Variants in PHF21B observed in about 807,000 individuals in gnomAD.
PHF21B encodes the protein PHD finger protein 21B.
Under a neutral mutation model 62.2 loss-of-function variants are expected in PHF21B, and 22 were observed. That is an observed-to-expected ratio of 0.35 (90% CI 0.25 to 0.51). PHF21B has a LOEUF of 0.51. PHF21B is among the 20% of genes least tolerant of loss of function. The pLI is 0.97. For missense variants in PHF21B, 701 were observed against 707.9 expected (o/e 0.99, Z 0.11); for synonymous variants, 341 against 314.7 (o/e 1.08, Z -0.88).
chr22:44,940,914 G>C (rs903955636), intron 2 of PHF21B, among the ~76,000 whole-genome samples: 19 of 152,292 alleles, frequency 1.2e-4, no homozygotes, highest in African/African-American at 4.6e-4. Context: ...GAGGTGAGTG[G>C]GGGGCTGTCG....
rs551587019 is a variant in PHF21B at position 45,007,195 on chromosome 22, C to T, written c.120+1350G>A. Among the ~76,000 whole-genome samples the T allele has an allele frequency of 2.7e-3, 395 of 146,968 alleles. 1 individual carries two copies. Among genetic ancestry groups the T allele is most frequent in the African/African-American group, 9.5e-3 (377 of 39,722 alleles). On this transcript the variant is annotated intron_variant, in intron 2 of 12. Transcript: ENST00000313237. Reference sequence around the variant, plus strand: ...GGCCCAGACCAGGCGCGGGCCGCGGCACTGCCATCTTCCTTTCAGCAAGCC... The same window carrying T: ...GGCCCAGACCAGGCGCGGGCCGCGGTACTGCCATCTTCCTTTCAGCAAGCC...
intron 12 of PHF21B, among the ~76,000 whole-genome samples, chr22:44,884,239 G>GCACCATCACCACCATCATCACTAC (rs2070800863): frequency 7.5e-6 from 1 of 133,060 alleles, no homozygotes; most frequent in Non-Finnish European, 1.6e-5. Flanking sequence ...ACTGTGATCA[G>GCACCATCACCACCATCATCACTAC]CACCATCACC....
chr22:44,985,702 G>A (rs1336221327), intron 2 of PHF21B, among the ~76,000 whole-genome samples: 1 of 152,156 alleles, frequency 6.6e-6, no homozygotes, highest in Non-Finnish European at 1.5e-5. Context: ...GGGATGTGTT[G>A]TGATGGCAAA....
chr22:44,955,465 G>A (rs952472402), intron 2 of PHF21B, among the ~76,000 whole-genome samples: 2 of 152,252 alleles, frequency 1.3e-5, no homozygotes, highest in African/African-American at 4.8e-5. Flanking sequence ...GTTTCTGGAA[G>A]AGATCAGCAT....
chr22:44,883,343 C>T lies in PHF21B; in HGVS notation c.1378-39G>A, dbSNP rs140234911. The T allele has an allele frequency of 4.7e-4, 749 of 1,593,090 alleles. 5 individuals are homozygous for T. The African/African-American group carries it at 8.9e-3, about 19-fold the overall frequency. ...GGTCAGGGGAAAGGGTCTCAGTATT[C>T]GGCTCTACAGCCATCCTGGGGCAGC... On this transcript the variant is annotated intron_variant, in intron 12 of 12. Coordinates refer to ENST00000313237, the MANE Select transcript of PHF21B (RefSeq NM_138415.5).
At chr22:44,899,285 C>A (rs866360480) in intron 5 of PHF21B, among the ~76,000 whole-genome samples, 1 of 97,562 alleles carries the variant, frequency 1.0e-5, no homozygotes. Context: ...TGTTCTTATT[C>A]TTTTTTTTTT....
intron 1 of PHF21B, 151 bp from the exon 2 acceptor site, chr22:45,008,761 G>A: frequency 3.5e-6 from 4 of 1,149,192 alleles, no homozygotes; most frequent in Non-Finnish European, 4.3e-6. Context: ...CTGCACGCGC[G>A]GCGGCCGGGC....
Position 45,009,709 on chromosome 22 carries a change from G to A in PHF21B, c.-160C>T. ...CCCACGGCCGAAAGGGAAGGGGGCTGGCGAAGGGGAAGACAGGCTTCCGGG... is the reference window on the plus strand; with the variant it reads ...CCCACGGCCGAAAGGGAAGGGGGCTAGCGAAGGGGAAGACAGGCTTCCGGG... On this transcript the variant is annotated 5_prime_UTR_variant, in exon 1 of 13. Coordinates refer to ENST00000313237, the MANE Select transcript of PHF21B (RefSeq NM_138415.5). The surrounding 1 kb of genome is among the most constrained non-coding windows in gnomAD (Gnocchi z 5.9). The A allele has an allele frequency of 1.6e-6, 1 of 616,130 alleles. No homozygotes were observed. The highest frequency in any genetic ancestry group is 3.5e-5 in the East Asian group (1 of 28,378). The allele number at this position is 616,130 out of a possible 1,614,324, so 38.2% of individuals were successfully genotyped here.
At position 45,009,111 on chromosome 22, in the gene PHF21B, G is replaced by A. The variant is rs993717691; in HGVS notation, c.54+385C>T. 1 of 955,050 alleles carries A rather than the reference G, an allele frequency of 1.0e-6. No individual in the cohort carries two copies. Among genetic ancestry groups the A allele is most frequent in the Non-Finnish European group, 1.3e-6 (1 of 753,046 alleles). 59.2% of individuals were successfully genotyped at this position (955,050 alleles called of 1,614,324 possible). ...ATCGCCAAAACTACTTCTGCACACCGGGCAGGTTCGCCCGGGGCGCGGGGG... is the reference window on the plus strand; with the variant it reads ...ATCGCCAAAACTACTTCTGCACACCAGGCAGGTTCGCCCGGGGCGCGGGGG... On this transcript the variant is annotated intron_variant, in intron 1 of 12. Coordinates refer to ENST00000313237, the MANE Select transcript of PHF21B (RefSeq NM_138415.5). This position sits in a 1 kb window ranked among gnomAD's most constrained non-coding sequence, Gnocchi z 5.9.
At chr22:44,900,695 T>G (rs1233126295) in intron 5 of PHF21B, among the ~76,000 whole-genome samples, 1 of 152,208 alleles carries the variant, frequency 6.6e-6, no homozygotes, top group Non-Finnish European at 1.5e-5. Flanking sequence ...CTTATTTTCT[T>G]GCAGATGTTA....
At chr22:44,945,325 G>C (rs1456206991) in intron 2 of PHF21B, among the ~76,000 whole-genome samples, 2 of 152,202 alleles carry the variant, frequency 1.3e-5, no homozygotes, top group African/African-American at 4.8e-5. Context: ...CCAGCGCCCT[G>C]TGAATGGGGC....
chr22:44,921,390 C>T (rs1282803807), intron 2 of PHF21B, among the ~76,000 whole-genome samples: 1 of 150,540 alleles, frequency 6.6e-6, no homozygotes, highest in Non-Finnish European at 1.5e-5. Flanking sequence ...TTTCTTGAGA[C>T]GGAGTCTTGC....
chr22:44,939,230 G>A (rs544389876), intron 2 of PHF21B, among the ~76,000 whole-genome samples: 85 of 152,318 alleles, frequency 5.6e-4, no homozygotes, highest in Middle Eastern at 3.4e-3. Flanking sequence ...GAAGCTGCAC[G>A]ACCCATAGAG....
chr22:44,987,195 C>T (rs1230138589), intron 2 of PHF21B, among the ~76,000 whole-genome samples: 1 of 152,088 alleles, frequency 6.6e-6, no homozygotes, highest in Non-Finnish European at 1.5e-5. Flanking sequence ...GTAATATTTC[C>T]GGTGAAAGCT....
Position 44,896,882 on chromosome 22 carries a change from T to TTTTTTTTTG in PHF21B, c.832-800_832-799insCAAAAAAAA, listed in dbSNP as rs982894660. Among the ~76,000 whole-genome samples the TTTTTTTTTG allele has an allele frequency of 4.1e-5, 5 of 120,646 alleles. 1 individual carries two copies. Among genetic ancestry groups the TTTTTTTTTG allele is most frequent in the Non-Finnish European group, 5.4e-5 (3 of 55,048 alleles). 79.1% of individuals were successfully genotyped at this position (120,646 alleles called of 152,430 possible). A position where few individuals can be genotyped will look rare whatever the true frequency, so the allele number is the denominator to read the frequency against. ...CAGGGTGGCACTTAGTTTTATCTGT[T>TTTTTTTTTG]TTTTTTTTTTTTTTGAGACAGGTTC... On this transcript the variant is annotated intron_variant, in intron 5 of 12. Coordinates refer to ENST00000313237, the MANE Select transcript of PHF21B (RefSeq NM_138415.5).
chr22:44,953,809 A>G lies in PHF21B; in HGVS notation c.121-33319T>C, dbSNP rs112916881. ...TATGGATTTTTAGGCACTAAATACT[A>G]TTTTAAGCATTAATTAATCCTCAAA... On this transcript the variant is annotated intron_variant, in intron 2 of 12. Coordinates refer to ENST00000313237, the MANE Select transcript of PHF21B (RefSeq NM_138415.5). 3.5e-4 allele frequency among the ~76,000 whole-genome samples: 54 copies of G among 152,362 alleles called. 1 individual carries two copies. The highest frequency in any genetic ancestry group is 1.2e-3 in the African/African-American group (50 of 41,586).
intron 2 of PHF21B, among the ~76,000 whole-genome samples, chr22:44,977,806 C>T (rs4823427): frequency 0.69 from 104,011 of 149,928 alleles, 36,963 homozygotes; most frequent in East Asian, 0.86. Context: ...AGGCTGATCT[C>T]GAACTCCTGG....
rs578105581 is a variant in PHF21B, at chr22:44,978,483, C to G, written c.120+30062G>C. On this transcript the variant is annotated intron_variant, in intron 2 of 12. Transcript: ENST00000313237. ...CAAGCGATTCTCCTGCTTCAACCTC[C>G]TAAGTAGCTGGGACTATAAGCATGC... 3.3e-5 allele frequency among the ~76,000 whole-genome samples: 5 copies of G among 152,328 alleles called. No homozygotes were observed. The South Asian group carries it at 1.0e-3, about 32-fold the overall frequency.
At chr22:44,923,164 G>C (rs2071567682) in intron 2 of PHF21B, among the ~76,000 whole-genome samples, 1 of 152,092 alleles carries the variant, frequency 6.6e-6, no homozygotes, top group Non-Finnish European at 1.5e-5. Flanking sequence ...ACAGAACAGA[G>C]AGTCCAAAGT....
Sources: allele counts gnomAD v4.1 joint callset (sites outside exome capture counted in the v4.1 genomes callset), GRCh38; gene constraint gnomAD v4.1.1; non-coding constraint Gnocchi (gnomAD v3.1); transcripts MANE v1.5; gene names NCBI Gene and HGNC (gene_info 2026-07-23, HGNC 2026-07-21).